The following TNIK variants were observed in gnomAD, a reference collection of about 807,000 sequenced individuals.
The protein encoded by TNIK is TRAF2 and NCK-interacting protein kinase.
In TNIK, 49 loss-of-function variants were observed where a neutral mutation model predicts 191.3. That is an observed-to-expected ratio of 0.26 (90% CI 0.20 to 0.32). TNIK has a LOEUF of 0.32. TNIK is among the 10% of genes least tolerant of loss of function. The pLI, the probability that TNIK is intolerant of heterozygous loss-of-function variation, is 1.00. For synonymous variants in TNIK, 594 were observed against 600.9 expected (o/e 0.99, Z 0.17); for missense variants, 1,155 against 1,702.3 (o/e 0.68, Z 5.66).
At position 171,157,492 on chromosome 3, in the gene TNIK, C is replaced by A; in HGVS notation, c.1189G>T (p.Glu397Ter). 6.4e-7 allele frequency: 1 copy of A among 1,574,150 alleles called. No homozygotes were observed. Among genetic ancestry groups the A allele is most frequent in the Non-Finnish European group, 8.6e-7 (1 of 1,160,368 alleles). Residue 397 changes from glutamate to a stop codon, truncating the protein, a stop_gained, in exon 12 of 33, where the codon GAG (glutamate) becomes TAG (stop). Coordinates refer to ENST00000436636, the MANE Select transcript of TNIK (RefSeq NM_015028.4). LOFTEE classifies it high-confidence loss of function. ...AGCCGCCGCCTCTGCTCTTTCTGCT[C>A]CTCGATGCGCTTCTGACGCTCGGCC... ...LLAERQKRIE[E>*]QKEQRRRLEE... is the part of the protein sequence containing the mutation.
intron 1 of TNIK, among the ~76,000 whole-genome samples, chr3:171,440,392 C>A (rs1420518365): frequency 6.6e-6 from 1 of 152,154 alleles, no homozygotes; most frequent in Non-Finnish European, 1.5e-5. Flanking sequence ...TTGAAAAACA[C>A]CTGGTATCTG....
At chr3:171,382,216 A>ATT (rs1718124151) in intron 1 of TNIK, among the ~76,000 whole-genome samples, 2 of 93,602 alleles carry the variant, frequency 2.1e-5, no homozygotes, top group Non-Finnish European at 4.4e-5. Context: ...TGTTGAATAC[A>ATT]TCTTTTTTTT....
chr3:171,113,678 T>C (rs899653685), intron 18 of TNIK, among the ~76,000 whole-genome samples: 2 of 151,254 alleles, frequency 1.3e-5, no homozygotes, highest in Non-Finnish European at 2.9e-5. Flanking sequence ...AAAATATATA[T>C]ATATATTACT....
At chr3:171,429,708 T>A (rs1034900582) in intron 1 of TNIK, among the ~76,000 whole-genome samples, 5 of 152,182 alleles carry the variant, frequency 3.3e-5, no homozygotes, top group African/African-American at 1.2e-4. Context: ...CATTCTTACC[T>A]CCATATCACT....
At chr3:171,340,204 G>A (rs77684504) in intron 2 of TNIK, among the ~76,000 whole-genome samples, 3,271 of 152,146 alleles carry the variant, frequency 0.021, 130 homozygotes, top group African/African-American at 0.076. Context: ...TAACAAAAAG[G>A]CCAGCAATAG....
chr3:171,301,558 G>A (rs1238172043), intron 2 of TNIK, among the ~76,000 whole-genome samples: 5 of 152,046 alleles, frequency 3.3e-5, no homozygotes, highest in East Asian at 1.9e-4. Flanking sequence ...CAAGTGATCC[G>A]CCTGCCTCAG....
intron 2 of TNIK, among the ~76,000 whole-genome samples, chr3:171,294,182 T>C (rs1752000905): frequency 6.6e-6 from 1 of 152,014 alleles, no homozygotes; most frequent in Non-Finnish European, 1.5e-5. Context: ...TGAGCCGAGA[T>C]GGCGCCACTG....
intron 4 of TNIK, among the ~76,000 whole-genome samples, chr3:171,210,042 G>A (rs1740598536): frequency 6.6e-6 from 1 of 152,184 alleles, no homozygotes; most frequent in South Asian, 2.1e-4. Flanking sequence ...TAAATTTTGT[G>A]TGTTAGGCAC....
chr3:171,268,136 T>A (rs1330894810), intron 2 of TNIK, among the ~76,000 whole-genome samples: 1 of 152,210 alleles, frequency 6.6e-6, no homozygotes, highest in Admixed American at 6.5e-5. Context: ...TAGAATATTA[T>A]GCTTCCCAGT....
At chr3:171,368,271 C>T (rs771111228) in intron 2 of TNIK, among the ~76,000 whole-genome samples, 19 of 152,194 alleles carry the variant, frequency 1.2e-4, no homozygotes, top group Non-Finnish European at 1.9e-4. Context: ...ATAAAACCAA[C>T]AGCATGCTAC....
At chr3:171,128,546 C>G (rs1357495528) in intron 16 of TNIK, among the ~76,000 whole-genome samples, 168 bp downstream of exon 16, 1 of 152,092 alleles carries the variant, frequency 6.6e-6, no homozygotes, top group Admixed American at 6.5e-5. Flanking sequence ...CTCACCTGTT[C>G]TTCTACTCTT....
chr3:171,427,123 C>T (rs188017120), intron 1 of TNIK, among the ~76,000 whole-genome samples: 4 of 152,278 alleles, frequency 2.6e-5, no homozygotes, highest in Admixed American at 2.0e-4. Flanking sequence ...GGGCCGTAAA[C>T]ACATCTCAGG....
At chr3:171,135,956 A>T (rs927288724) in intron 15 of TNIK, among the ~76,000 whole-genome samples, 3 of 152,220 alleles carry the variant, frequency 2.0e-5, no homozygotes, top group African/African-American at 7.2e-5. Context: ...CAGACCAGTA[A>T]ATTTAGTGAT....
intron 2 of TNIK, among the ~76,000 whole-genome samples, chr3:171,252,516 T>C (rs953034804): frequency 1.3e-5 from 2 of 152,238 alleles, no homozygotes; most frequent in Non-Finnish European, 1.5e-5. Context: ...AGCTGCCTTA[T>C]GTTAATTCAA....
At chr3:171,357,759 A>C (rs1365798089) in intron 2 of TNIK, among the ~76,000 whole-genome samples, 2 of 152,154 alleles carry the variant, frequency 1.3e-5, no homozygotes, top group Admixed American at 6.5e-5. Context: ...TTAAGGATAT[A>C]GTATGGTTGC....
Position 171,128,887 on chromosome 3 carries a change from C to CCA in TNIK, c.1609-10_1609-9insTG. 4.8e-6 allele frequency: 6 copies of CCA among 1,242,452 alleles called. No individual in the cohort carries two copies. Among genetic ancestry groups the CCA allele is most frequent in the South Asian group, 2.2e-5 (1 of 46,234 alleles). The allele number at this position is 1,242,452 out of a possible 1,614,324, so 77.0% of individuals were successfully genotyped here. A position where few individuals can be genotyped will look rare whatever the true frequency, so the allele number is the denominator to read the frequency against. ...CTTGACCGTTCTTCTACCTACAACC[C>CCA]AAAAAAAAAAAAAAAAAAAAGACAG... is the stretch of plus-strand genomic sequence containing the variant. On this transcript the variant is annotated splice_polypyrimidine_tract_variant and intron_variant, in intron 15 of 32. Coordinates refer to ENST00000436636, the MANE Select transcript of TNIK (RefSeq NM_015028.4).
intron 29 of TNIK, among the ~76,000 whole-genome samples, chr3:171,070,784 G>C (rs1719087555): frequency 1.3e-5 from 2 of 152,198 alleles, no homozygotes; most frequent in South Asian, 4.1e-4. Flanking sequence ...AGCATCACCT[G>C]AGTTTTAGGG....
At chr3:171,452,906 C>T (rs570090563) in intron 1 of TNIK, among the ~76,000 whole-genome samples, 196 of 152,224 alleles carry the variant, frequency 1.3e-3, no homozygotes, top group Non-Finnish European at 2.3e-3. Flanking sequence ...TAGTATTTCT[C>T]GTAATTGGTG....
intron 18 of TNIK, among the ~76,000 whole-genome samples, chr3:171,121,643 T>C (rs188816937): frequency 1.3e-5 from 2 of 152,302 alleles, no homozygotes; most frequent in African/African-American, 4.8e-5. Flanking sequence ...TCATGAGAAA[T>C]ATTAAACTGT....
Sources: gnomAD v4.1 joint callset for allele counts (sites outside exome capture counted in the v4.1 genomes callset) on GRCh38, gnomAD v4.1.1 for gene constraint, MANE v1.5 for transcripts, NCBI Gene and HGNC (gene_info 2026-07-23, HGNC 2026-07-21) for gene names.